ABCC11: variants seen among roughly 807,000 people sequenced by gnomAD.
ABCC11 encodes ATP-binding cassette sub-family C member 11.
Under a neutral mutation model 149.3 loss-of-function variants are expected in ABCC11, and 135 were observed. That is an observed-to-expected ratio of 0.90 (90% confidence interval 0.79 to 1.04). ABCC11 has a LOEUF of 1.04. Ranked by LOEUF, ABCC11 falls within the 50% of genes least tolerant of loss-of-function variation. The pLI is 0.00. For missense variants in ABCC11, 1,680 were observed against 1,722.1 expected (o/e 0.98, Z 0.43); for synonymous variants, 665 against 671.4 (o/e 0.99, Z 0.15).
chr16:48,176,995 G>A lies in ABCC11; in HGVS notation c.3467C>T (p.Thr1156Ile). 6.2e-7 allele frequency: 1 copy of A among 1,614,204 alleles called. No homozygotes were observed. Among genetic ancestry groups the A allele is most frequent in the Non-Finnish European group, 8.5e-7 (1 of 1,180,026 alleles). Reference sequence around the variant, plus strand: ...GGTCAGGTTGATGCCGTGAAGCACGGTGGGTGTGTTGTCTCTGTATTTCAT... The same window carrying A: ...GGTCAGGTTGATGCCGTGAAGCACGATGGGTGTGTTGTCTCTGTATTTCAT... Reference protein sequence around the residue: ...YHMKYRDNTPTVLHGINLTIR... With the variant: ...YHMKYRDNTPIVLHGINLTIR... The change falls in exon 25 of 30, where the codon ACC (threonine) becomes ATC (isoleucine). Residue 1156 changes from threonine (T) to isoleucine (I), a missense_variant. Physicochemically the swap from Thr to Ile is moderately conservative, Grantham distance 89 (BLOSUM62 -1). Coordinates refer to ENST00000356608, the MANE Select transcript of ABCC11 (RefSeq NM_001370497.1).
chr16:48,169,837 G>A (rs1965586965), intron 28 of ABCC11, among the ~76,000 whole-genome samples: 1 of 151,916 alleles, frequency 6.6e-6, no homozygotes, highest in African/African-American at 2.4e-5. Flanking sequence ...AACGGGTGCA[G>A]CACACCAACA....
At chr16:48,173,401 G>A (rs1236454955) in intron 26 of ABCC11, among the ~76,000 whole-genome samples, 1 of 152,164 alleles carries the variant, frequency 6.6e-6, no homozygotes, top group African/African-American at 2.4e-5. Context: ...CTGTAAAATG[G>A]GGATAATGAA....
intron 12 of ABCC11, 83 bp downstream of exon 12, chr16:48,208,342 G>A: frequency 6.7e-7 from 1 of 1,500,936 alleles, no homozygotes; most frequent in Non-Finnish European, 9.2e-7. Flanking sequence ...AGAAAGCAGT[G>A]GGGGGCCCCG....
At chr16:48,219,170 T>G (rs1321032136) in intron 6 of ABCC11, among the ~76,000 whole-genome samples, 1 of 69,962 alleles carries the variant, frequency 1.4e-5, no homozygotes, top group Non-Finnish European at 2.9e-5. Context: ...TGGTTTTGGG[T>G]TTTTTTTTTT....
rs1001015523 is a variant in ABCC11 at position 48,227,903 on chromosome 16, G to A, written c.298C>T (p.Leu100Phe). ...GLFSYLTVSW[L>F]TPLMIQSLRS... ...AAGCTTTGGATCATGAGCGGGGTGA[G>A]CCATGACACGGTGAGGTAGGAGAAC... The change falls in exon 4 of 30, where the codon CTC (leucine) becomes TTC (phenylalanine). Residue 100 changes from leucine (L) to phenylalanine (F), a missense_variant. Physicochemically the swap from Leu to Phe is conservative, Grantham distance 22. Coordinates refer to ENST00000356608, the MANE Select transcript of ABCC11 (RefSeq NM_001370497.1). 2 of 1,614,086 alleles carry A rather than the reference G, an allele frequency of 1.2e-6. No homozygotes were observed. The highest frequency in any genetic ancestry group is 8.5e-7 in the Non-Finnish European group (1 of 1,179,972).
At position 48,184,494 on chromosome 16, in the gene ABCC11, GC is replaced by G; in HGVS notation, c.3203del (p.Gly1068AlafsTer41). 1 of 1,614,206 alleles carries G rather than the reference GC, an allele frequency of 6.2e-7. No homozygotes were observed. The highest frequency in any genetic ancestry group is 8.5e-7 in the Non-Finnish European group (1 of 1,180,028). ...TLAVALFVAF[G>X]ISSTPYSFKV... ...TAAAGGAGTAGGGGGTGGAGGAAATGCCAAAAGCCACGAACAGGGCAACAGC... is the reference window on the plus strand; with the variant it reads ...TAAAGGAGTAGGGGGTGGAGGAAATGCAAAAGCCACGAACAGGGCAACAGC... On this transcript the variant is annotated frameshift_variant, in exon 23 of 30. Transcript: ENST00000356608. LOFTEE classifies it high-confidence loss of function.
intron 18 of ABCC11, among the ~76,000 whole-genome samples, chr16:48,195,406 G>C (rs2150798247): frequency 6.6e-6 from 1 of 152,314 alleles, no homozygotes; most frequent in East Asian, 1.9e-4. Context: ...ACCCATGGTG[G>C]ACGGGGTGGG....
chr16:48,195,635 C>T (rs540473846), intron 18 of ABCC11, among the ~76,000 whole-genome samples: 129 of 152,326 alleles, frequency 8.5e-4, no homozygotes, highest in Non-Finnish European at 1.2e-3. Flanking sequence ...ATGATATATA[C>T]CATTTAATAA....
In ABCC11 at chr16:48,214,992, G is replaced by T. The variant is rs377586143; in HGVS notation, c.1137C>A (p.Cys379Ter). ...RRKERKLLEK[C>*]GLVQSLTSIT... is the part of the protein sequence containing the mutation. Reference sequence around the variant, plus strand: ...TACTTGTCAGGCTCTGGACAAGCCCGCACTTCTCCAATAGTTTCCTTTCCT... The same window carrying T: ...TACTTGTCAGGCTCTGGACAAGCCCTCACTTCTCCAATAGTTTCCTTTCCT... The change falls in exon 9 of 30, where the codon TGC becomes TGA. Residue 379 changes from cysteine to a stop codon, truncating the protein, a stop_gained. Transcript: ENST00000356608. LOFTEE classifies it high-confidence loss of function. 4.3e-6 allele frequency: 7 copies of T among 1,614,076 alleles called. No individual in the cohort carries two copies. Among genetic ancestry groups the T allele is most frequent in the Non-Finnish European group, 5.9e-6 (7 of 1,180,006 alleles).
intron 1 of ABCC11, among the ~76,000 whole-genome samples, chr16:48,238,934 TAA>T (rs3048246): frequency 4.9e-4 from 20 of 40,562 alleles, no homozygotes; most frequent in Admixed American, 1.2e-3. Flanking sequence ...AGACTCTGTC[TAA>T]AAAAAAAAAA....
chr16:48,220,462 G>C (rs982677160), intron 6 of ABCC11, among the ~76,000 whole-genome samples: 10 of 152,202 alleles, frequency 6.6e-5, no homozygotes, highest in African/African-American at 2.4e-4. Context: ...TGACTTTCCT[G>C]AGATAAACAG....
rs1966811121 is a variant in ABCC11, at chr16:48,187,378, A to G, written c.2756T>C (p.Leu919Pro). The change falls in exon 21 of 30, where the codon CTT (leucine) becomes CCT (proline). Residue 919 changes from leucine to proline, a missense_variant. Physicochemically the swap from Leu to Pro is moderately conservative, Grantham distance 98. Coordinates refer to ENST00000356608, the MANE Select transcript of ABCC11 (RefSeq NM_001370497.1). ...CAAGTCCCCTGCGAAGCAGTTCAAA[A>G]GCCGGCCTATTGGGATGGTGTCAAA... is the stretch of plus-strand genomic sequence containing the variant. Reference protein sequence around the residue: ...SFFDTIPIGRLLNCFAGDLEQ... With the variant: ...SFFDTIPIGRPLNCFAGDLEQ... 6.2e-7 allele frequency: 1 copy of G among 1,614,120 alleles called. No homozygotes were observed. The highest frequency in any genetic ancestry group is 8.5e-7 in the Non-Finnish European group (1 of 1,179,990).
chr16:48,213,383 G>A, intron 10 of ABCC11, 60 bp downstream of exon 10: 5 of 1,453,148 alleles, frequency 3.4e-6, no homozygotes, highest in South Asian at 1.2e-5. Context: ...AACATCATGG[G>A]GGCTGAAGGC....
In ABCC11 at chr16:48,211,187, G is replaced by A; in HGVS notation, c.1369C>T (p.Gln457Ter). The change falls in exon 11 of 30, where the codon CAG becomes TAG. Residue 457 changes from glutamine (Q) to a stop codon, truncating the protein, a stop_gained. Transcript: ENST00000356608. LOFTEE classifies it high-confidence loss of function. ...TGGACATAGAAAACAGGGCTCTCCT[G>A]GAGGAAAAACTTCTGTAAAGACAGA... ...AVMRFKKFFLQESPVFYVQTL... is the reference protein window; with the variant it reads ...AVMRFKKFFL 4.3e-6 allele frequency: 7 copies of A among 1,613,748 alleles called. No homozygotes were observed. Among genetic ancestry groups the A allele is most frequent in the African/African-American group, 1.3e-5 (1 of 75,006 alleles).
chr16:48,175,209 T>C (rs929765310), intron 26 of ABCC11, 49 bp downstream of exon 26: 2 of 1,579,104 alleles, frequency 1.3e-6, no homozygotes, highest in East Asian at 2.3e-5. Context: ...GCTGGAATCC[T>C]GGTCCTGTGA....
chr16:48,215,838 G>A (rs749742021), intron 7 of ABCC11, among the ~76,000 whole-genome samples: 12 of 152,142 alleles, frequency 7.9e-5, no homozygotes, highest in Non-Finnish European at 1.2e-4. Context: ...CAAAAATCTC[G>A]CACAGAGATT....
chr16:48,173,281 G>T (rs746401743), intron 26 of ABCC11, among the ~76,000 whole-genome samples: 101 of 152,224 alleles, frequency 6.6e-4, no homozygotes, highest in Non-Finnish European at 1.2e-3. Context: ...GAGGTGGGGG[G>T]AAATATCACA....
At chr16:48,196,392 G>A in intron 17 of ABCC11, 71 bp from the exon 18 acceptor site, 2 of 1,451,788 alleles carry the variant, frequency 1.4e-6, no homozygotes, top group Non-Finnish European at 1.9e-6. Flanking sequence ...TCTGTCTCTG[G>A]CTTCGATCCT....
chr16:48,186,820 A>G, intron 22 of ABCC11, 133 bp downstream of exon 22: 1 of 1,151,040 alleles, frequency 8.7e-7, no homozygotes, highest in Non-Finnish European at 1.2e-6. Flanking sequence ...GGAGGCTCAG[A>G]GAAATACGTC....
Sources: gnomAD v4.1 joint callset for allele counts (sites outside exome capture counted in the v4.1 genomes callset) on GRCh38, gnomAD v4.1.1 for gene constraint, MANE v1.5 for transcripts, NCBI Gene and HGNC (gene_info 2026-07-23, HGNC 2026-07-21) for gene names.